The following AHI1 variants were observed in gnomAD, a reference collection of about 807,000 sequenced individuals.
AHI1 encodes the protein jouberin.
Under a neutral mutation model 149.3 loss-of-function variants are expected in AHI1, and 123 were observed. That is an observed-to-expected ratio of 0.82 (90% CI 0.71 to 0.96). The LOEUF is 0.96. Among genes scored for constraint, AHI1 ranks in the 40% least tolerant of loss-of-function variants. The pLI is 0.00. For synonymous variants in AHI1, 475 were observed against 459.8 expected (o/e 1.03, Z -0.42); for missense variants, 1,439 against 1,422.7 (o/e 1.01, Z -0.18).
At chr6:135,410,847 T>C (rs912848128) in intron 21 of AHI1, among the ~76,000 whole-genome samples, 2 of 152,206 alleles carry the variant, frequency 1.3e-5, no homozygotes, top group East Asian at 3.9e-4. Flanking sequence ...TTATTTTCCT[T>C]TTTTGGGGAA....
At chr6:135,361,416 T>A (rs902408396) in intron 23 of AHI1, among the ~76,000 whole-genome samples, 1 of 152,150 alleles carries the variant, frequency 6.6e-6, no homozygotes, top group Non-Finnish European at 1.5e-5. Context: ...GGTGACTATG[T>A]TTTTTCCTGA....
chr6:135,477,939 A>C (rs1792969512), intron 5 of AHI1, among the ~76,000 whole-genome samples: 1 of 152,074 alleles, frequency 6.6e-6, no homozygotes, highest in South Asian at 2.1e-4. Context: ...CTGGGACTAC[A>C]GGCATTTGCC....
rs759804456 is a variant in AHI1, at chr6:135,283,557, C to G, written c.*2088G>C. 2.6e-5 allele frequency: 4 copies of G among 152,032 alleles called. No individual in the cohort carries two copies. Among genetic ancestry groups the G allele is most frequent in the African/African-American group, 9.7e-5 (4 of 41,404 alleles). 9.4% of individuals were successfully genotyped at this position (152,032 alleles called of 1,614,324 possible). ...TTTGTTATAAGGAAATGTTTAATGC[C>G]GTACATCATCAAATGGATTCTGGTG... is the stretch of plus-strand genomic sequence containing the variant. On this transcript the variant is annotated 3_prime_UTR_variant, in exon 29 of 29. Coordinates refer to ENST00000265602, the MANE Select transcript of AHI1 (RefSeq NM_001134831.2).
Position 135,361,654 on chromosome 6 carries a change from C to T in AHI1, c.3110-3467G>A, listed in dbSNP as rs937666919. On this transcript the variant is annotated intron_variant, in intron 23 of 28. Transcript: ENST00000265602. ...GTACCTAGGTATGGTTTCACACACA[C>T]ACACACACACACACACACACACACA... Among the ~76,000 whole-genome samples the T allele has an allele frequency of 1.2e-3, 108 of 90,518 alleles. 1 individual carries two copies. Among genetic ancestry groups the T allele is most frequent in the African/African-American group, 7.7e-3 (103 of 13,344 alleles). The allele number at this position is 90,518 out of a possible 152,430, so 59.4% of individuals were successfully genotyped here. A position where few individuals can be genotyped will look rare whatever the true frequency, so the allele number is the denominator to read the frequency against.
At chr6:135,485,095 CAG>C (rs960063579) in intron 5 of AHI1, among the ~76,000 whole-genome samples, 3 of 144,066 alleles carry the variant, frequency 2.1e-5, no homozygotes, top group South Asian at 4.3e-4. Context: ...TTTTTTAAGA[CAG>C]AGTTTCGCTC....
At chr6:135,393,521 C>T (rs1022280564) in intron 23 of AHI1, among the ~76,000 whole-genome samples, 4 of 151,790 alleles carry the variant, frequency 2.6e-5, no homozygotes, top group Admixed American at 6.6e-5. Flanking sequence ...CTATTTAGGG[C>T]GAAAAGAATA....
chr6:135,407,940 C>G (rs972580848), intron 21 of AHI1, among the ~76,000 whole-genome samples: 1 of 151,510 alleles, frequency 6.6e-6, no homozygotes, highest in African/African-American at 2.4e-5. Flanking sequence ...GAGGCTGAGG[C>G]AGGAGAATGG....
At chr6:135,328,239 C>T (rs908594794) in intron 24 of AHI1, among the ~76,000 whole-genome samples, 1 of 152,202 alleles carries the variant, frequency 6.6e-6, no homozygotes, top group African/African-American at 2.4e-5. Flanking sequence ...ACAGTGAAAA[C>T]ATGGTTGGAA....
intron 23 of AHI1, among the ~76,000 whole-genome samples, chr6:135,393,917 C>A (rs908486968): frequency 6.6e-6 from 1 of 151,938 alleles, no homozygotes; most frequent in Non-Finnish European, 1.5e-5. Context: ...AGTTGTGAAT[C>A]CAAGCATTTT....
intron 5 of AHI1, among the ~76,000 whole-genome samples, chr6:135,482,993 G>A (rs1793941324): frequency 7.0e-6 from 1 of 142,256 alleles, no homozygotes; most frequent in South Asian, 2.2e-4. Context: ...CCGGCTTCAA[G>A]TAATTCTCCT....
chr6:135,324,038 G>C (rs1583724870), intron 24 of AHI1, among the ~76,000 whole-genome samples: 1 of 152,280 alleles, frequency 6.6e-6, no homozygotes, highest in East Asian at 1.9e-4. Context: ...AAAAATCCTT[G>C]GCTGGGCATG....
intron 24 of AHI1, among the ~76,000 whole-genome samples, chr6:135,332,205 G>A (rs999849105): frequency 6.6e-6 from 1 of 152,058 alleles, no homozygotes; most frequent in African/African-American, 2.4e-5. Context: ...GAGTAGCTGG[G>A]ATTACAGGCG....
chr6:135,464,386 A>G (rs1790408049), intron 7 of AHI1, among the ~76,000 whole-genome samples: 1 of 152,120 alleles, frequency 6.6e-6, no homozygotes. Flanking sequence ...TCTACCACAG[A>G]GGTGGTAGCT....
chr6:135,421,630 T>C (rs892804925), intron 20 of AHI1, among the ~76,000 whole-genome samples: 1 of 152,122 alleles, frequency 6.6e-6, no homozygotes, highest in Non-Finnish European at 1.5e-5. Flanking sequence ...ATATCATTCA[T>C]GCATTAGTGC....
At chr6:135,310,637 CT>C (rs1562477136) in intron 26 of AHI1, among the ~76,000 whole-genome samples, 1 of 152,134 alleles carries the variant, frequency 6.6e-6, no homozygotes, top group African/African-American at 2.4e-5. Context: ...TGAAGATTAG[CT>C]ATAATAGATA....
chr6:135,353,637 CAAT>C (rs1186336938), intron 24 of AHI1, among the ~76,000 whole-genome samples: 4 of 152,012 alleles, frequency 2.6e-5, no homozygotes, highest in Non-Finnish European at 2.9e-5. Flanking sequence ...AATCTAACAA[CAAT>C]AACAACCCAA....
chr6:135,378,299 T>A (rs973509092), intron 23 of AHI1, among the ~76,000 whole-genome samples: 1 of 152,260 alleles, frequency 6.6e-6, no homozygotes, highest in African/African-American at 2.4e-5. Flanking sequence ...ATAAAATGAA[T>A]ACATAAAGTT....
At chr6:135,368,744 T>G (rs2128452986) in intron 23 of AHI1, among the ~76,000 whole-genome samples, 1 of 142,442 alleles carries the variant, frequency 7.0e-6, no homozygotes, top group South Asian at 2.1e-4. Flanking sequence ...TCGTTCCCAC[T>G]CTACCCCTCA....
chr6:135,399,613 T>C (rs1013984461), intron 22 of AHI1, among the ~76,000 whole-genome samples: 4 of 152,132 alleles, frequency 2.6e-5, no homozygotes, highest in Non-Finnish European at 5.9e-5. Flanking sequence ...TCACGTCACA[T>C]AATTACACTG....
Sources: allele counts gnomAD v4.1 joint callset (sites outside exome capture counted in the v4.1 genomes callset), GRCh38; gene constraint gnomAD v4.1.1; transcripts MANE v1.5; gene names NCBI Gene and HGNC (gene_info 2026-07-23, HGNC 2026-07-21).